ATAD2B: variants seen among roughly 807,000 people sequenced by gnomAD.
ATAD2B encodes the protein ATPase family AAA domain containing 2B, also known as ATPase family AAA domain-containing protein 2B.
Under a neutral mutation model 167.6 loss-of-function variants are expected in ATAD2B, and 40 were observed. The observed-to-expected ratio is 0.24, with a 90% CI of 0.19 to 0.31. The LOEUF is 0.31. Among genes scored for constraint, ATAD2B ranks in the 10% least tolerant of loss-of-function variants. ATAD2B has a pLI of 1.00. For synonymous variants in ATAD2B, 579 were observed against 596.5 expected (o/e 0.97, Z 0.43); for missense variants, 1,242 against 1,757.2 (o/e 0.71, Z 5.24).
rs17045996 is a variant in ATAD2B at position 23,904,050 on chromosome 2, T to C, written c.217-8080A>G. On this transcript the variant is annotated intron_variant, in intron 1 of 27. Coordinates refer to ENST00000238789, the MANE Select transcript of ATAD2B (RefSeq NM_017552.4). ...TAAAATTGGAAAGTTAGTTTGGAAT[T>C]ATAGCCAGAAATCTAAGGAGAGGTC... Among the ~76,000 whole-genome samples, 312 of 152,086 alleles carry C rather than the reference T, an allele frequency of 2.1e-3. 1 individual carries two copies. Among genetic ancestry groups the C allele is most frequent in the Admixed American group, 6.2e-3 (94 of 15,256 alleles).
Position 23,872,878 on chromosome 2 carries a change from G to C in ATAD2B, c.977+2951C>G, listed in dbSNP as rs966879535. 45 of 821,606 alleles carry C rather than the reference G, an allele frequency of 5.5e-5. No individual in the cohort carries two copies. In the South Asian group the frequency reaches 5.6e-4, roughly 10 times the overall value. 50.9% of individuals were successfully genotyped at this position (821,606 alleles called of 1,614,324 possible). Reference sequence around the variant, plus strand: ...CAAACTCATAGCCAGCCATCTCACAGTGCCTGCCTGCCTGCCACTCTTCAT... The same window carrying C: ...CAAACTCATAGCCAGCCATCTCACACTGCCTGCCTGCCTGCCACTCTTCAT... On this transcript the variant is annotated intron_variant, in intron 8 of 27. Coordinates refer to ENST00000238789, the MANE Select transcript of ATAD2B (RefSeq NM_017552.4).
At chr2:23,779,631 A>G (rs180748858) in intron 22 of ATAD2B, among the ~76,000 whole-genome samples, 14 of 152,214 alleles carry the variant, frequency 9.2e-5, no homozygotes, top group African/African-American at 3.4e-4. Context: ...CATTACAAAG[A>G]TATTTATCAG....
chr2:23,814,873 T>C (rs1398400195), intron 17 of ATAD2B, among the ~76,000 whole-genome samples: 2 of 151,774 alleles, frequency 1.3e-5, no homozygotes. Context: ...GCCAACATGG[T>C]GAAACCCTGA....
At chr2:23,893,567 G>A (rs1031051943) in intron 2 of ATAD2B, among the ~76,000 whole-genome samples, 2 of 148,378 alleles carry the variant, frequency 1.3e-5, no homozygotes, top group Non-Finnish European at 3.0e-5. Flanking sequence ...AGGTCAAATT[G>A]CATTTTATTT....
intron 1 of ATAD2B, among the ~76,000 whole-genome samples, chr2:23,922,917 A>G (rs536546391): frequency 6.6e-6 from 1 of 152,266 alleles, no homozygotes; most frequent in East Asian, 1.9e-4. Context: ...AGAAATGCAA[A>G]ATGGTGCAGC....
At position 23,781,223 on chromosome 2, in the gene ATAD2B, G is replaced by A. The variant is rs150554119; in HGVS notation, c.3133+1646C>T. Reference sequence around the variant, plus strand: ...ACATAAACAATTTCACAGAACACCAGTATCAGACAAGGCCACCCTGTGCTC... The same window carrying A: ...ACATAAACAATTTCACAGAACACCAATATCAGACAAGGCCACCCTGTGCTC... On this transcript the variant is annotated intron_variant, in intron 22 of 27. Transcript: ENST00000238789. 1.3e-4 allele frequency among the ~76,000 whole-genome samples: 20 copies of A among 151,648 alleles called. No homozygotes were observed. The East Asian group carries it at 3.9e-3, about 30-fold the overall frequency.
intron 22 of ATAD2B, among the ~76,000 whole-genome samples, chr2:23,775,239 G>A (rs1370073073): frequency 5.5e-5 from 8 of 146,550 alleles, no homozygotes; most frequent in African/African-American, 1.8e-4. Flanking sequence ...TTTTTGAGAC[G>A]TTGTCTTGCT....
In ATAD2B at chr2:23,897,656, T is replaced by G. The variant is rs1700312594; in HGVS notation, c.217-1686A>C. Among the ~76,000 whole-genome samples, 4 of 152,346 alleles carry G rather than the reference T, an allele frequency of 2.6e-5. No individual in the cohort carries two copies. The South Asian group carries it at 8.3e-4, about 32-fold the overall frequency. On this transcript the variant is annotated intron_variant, in intron 1 of 27. Coordinates refer to ENST00000238789, the MANE Select transcript of ATAD2B (RefSeq NM_017552.4). ...TATTTATTTTGTTGCTCAAATTATG[T>G]GAGATTTAGCTAATGTGAGCCCCTT... is the stretch of plus-strand genomic sequence containing the variant.
the ATAD2B span, among the ~76,000 whole-genome samples, chr2:23,727,202 A>C: frequency 1.3e-5 from 2 of 152,208 alleles, no homozygotes; most frequent in Admixed American, 1.3e-4. Flanking sequence ...ATGTGATAAA[A>C]AGACTGGTAT....
chr2:23,738,677 A>G, the ATAD2B span, among the ~76,000 whole-genome samples: 1 of 152,260 alleles, frequency 6.6e-6, no homozygotes, highest in African/African-American at 2.4e-5. Flanking sequence ...TCATAATGAC[A>G]GGATCAAATT....
At chr2:23,783,240 C>A (rs933243752) in intron 21 of ATAD2B, among the ~76,000 whole-genome samples, 9 of 150,678 alleles carry the variant, frequency 6.0e-5, no homozygotes, top group African/African-American at 2.2e-4. Context: ...ATACCTAAAT[C>A]AACTCTGAAA....
At position 23,802,558 on chromosome 2, in the gene ATAD2B, T is replaced by A. The variant is rs563971769; in HGVS notation, c.2455-4235A>T. Among the ~76,000 whole-genome samples the A allele has an allele frequency of 7.9e-5, 12 of 152,182 alleles. No individual in the cohort carries two copies. In the South Asian group the frequency reaches 2.5e-3, roughly 32 times the overall value. ...ATCACTTAAATTCTTTTTCTAATATTTTCATTCCCTAAGGACTTCAAGAAT... is the reference window on the plus strand; with the variant it reads ...ATCACTTAAATTCTTTTTCTAATATATTCATTCCCTAAGGACTTCAAGAAT... On this transcript the variant is annotated intron_variant, in intron 18 of 27. Coordinates refer to ENST00000238789, the MANE Select transcript of ATAD2B (RefSeq NM_017552.4).
intron 21 of ATAD2B, among the ~76,000 whole-genome samples, chr2:23,784,978 A>C (rs1395941634): frequency 6.6e-6 from 1 of 152,100 alleles, no homozygotes; most frequent in Non-Finnish European, 1.5e-5. Flanking sequence ...AATAATAATG[A>C]TCCTACAAGG....
intron 1 of ATAD2B, among the ~76,000 whole-genome samples, chr2:23,907,524 A>G (rs905352337): frequency 6.6e-6 from 1 of 152,210 alleles, no homozygotes; most frequent in Non-Finnish European, 1.5e-5. Context: ...AATCAATATC[A>G]TGAAAATGGC....
intron 2 of ATAD2B, among the ~76,000 whole-genome samples, chr2:23,890,494 A>G (rs904846111): frequency 1.3e-5 from 2 of 152,236 alleles, no homozygotes; most frequent in African/African-American, 4.8e-5. Flanking sequence ...CGTTGTCATT[A>G]CACAATGCAT....
the ATAD2B span, among the ~76,000 whole-genome samples, chr2:23,701,489 G>T: frequency 6.6e-6 from 1 of 152,156 alleles, no homozygotes; most frequent in Admixed American, 6.5e-5. Context: ...AAGGTGGGAG[G>T]ATTGCTTAAG....
At chr2:23,704,952 A>G in the ATAD2B span, among the ~76,000 whole-genome samples, 1 of 152,390 alleles carries the variant, frequency 6.6e-6, no homozygotes, top group Non-Finnish European at 1.5e-5. Context: ...CTAGCATGTC[A>G]GTGACCTTGG....
chr2:23,781,199 CAT>C (rs1679983319), intron 22 of ATAD2B, among the ~76,000 whole-genome samples: 1 of 151,698 alleles, frequency 6.6e-6, no homozygotes, highest in Non-Finnish European at 1.5e-5. Flanking sequence ...TACAATTAAA[CAT>C]AAACAATTTC....
At chr2:23,911,644 A>G (rs1439554506) in intron 1 of ATAD2B, among the ~76,000 whole-genome samples, 2 of 152,126 alleles carry the variant, frequency 1.3e-5, no homozygotes, top group Non-Finnish European at 2.9e-5. Flanking sequence ...TAATAAATAC[A>G]AGTCTTAAGA....
Sources: allele counts gnomAD v4.1 joint callset (sites outside exome capture counted in the v4.1 genomes callset), GRCh38; gene constraint gnomAD v4.1.1; transcripts MANE v1.5; gene names NCBI Gene and HGNC (gene_info 2026-07-23, HGNC 2026-07-21).